CACNA1D: variants seen among roughly 807,000 people sequenced by gnomAD.
The protein encoded by CACNA1D is voltage-dependent L-type calcium channel subunit alpha-1D.
CACNA1D carries 55 observed loss-of-function variants against 257.1 expected under a neutral mutation model. The ratio of observed to expected loss-of-function variants is 0.21; its 90% CI spans 0.17 to 0.27. The LOEUF (loss-of-function observed/expected upper bound fraction) is 0.27. Among genes scored for constraint, CACNA1D ranks in the 10% least tolerant of loss-of-function variants. The pLI is 1.00. For missense variants in CACNA1D, 1,876 were observed against 2,784.0 expected, an observed-to-expected ratio of 0.67 and a Z score of 7.34; for synonymous variants, 980 against 1,014.9, an observed-to-expected ratio of 0.97 and a Z score of 0.65.
At chr3:53,772,982 G>A in intron 33 of CACNA1D, 84 bp downstream of exon 33, 3 of 1,138,084 alleles carry the variant, frequency 2.6e-6, no homozygotes, top group Non-Finnish European at 4.0e-6. Context: ...ACCAAGTGAA[G>A]TAGAAGCATT....
chr3:53,750,417 T>C (rs2095214948), intron 27 of CACNA1D, among the ~76,000 whole-genome samples: 1 of 152,222 alleles, frequency 6.6e-6, no homozygotes, highest in African/African-American at 2.4e-5. Flanking sequence ...TCTGTTTTGA[T>C]GACGACGTCG....
At chr3:53,697,036 T>G (rs2094579267) in intron 8 of CACNA1D, among the ~76,000 whole-genome samples, 2 of 152,178 alleles carry the variant, frequency 1.3e-5, no homozygotes, top group Non-Finnish European at 2.9e-5. Flanking sequence ...CAGACAGGCC[T>G]GCATAAGACA....
At position 53,751,712 on chromosome 3, in the gene CACNA1D, C is replaced by G. The variant is rs1472972036; in HGVS notation, c.3517-37C>G. The G allele has an allele frequency of 1.2e-6, 2 of 1,612,770 alleles. No individual in the cohort carries two copies. Among genetic ancestry groups the G allele is most frequent in the Non-Finnish European group, 1.7e-6 (2 of 1,178,832 alleles). ...ACGGGGTCCTCCTTCCCTGCAAGTGCTCAGAACCCCGTTTCTGCCCTTTTC... is the reference window on the plus strand; with the variant it reads ...ACGGGGTCCTCCTTCCCTGCAAGTGGTCAGAACCCCGTTTCTGCCCTTTTC... On this transcript the variant is annotated intron_variant, in intron 27 of 47. Coordinates refer to ENST00000350061, the MANE Select transcript of CACNA1D (RefSeq NM_001128840.3). The surrounding 1 kb of genome is among the most constrained non-coding windows in gnomAD (Gnocchi z 4.3).
chr3:53,775,862 C>T (rs1244181043), intron 34 of CACNA1D, 24 bp from the exon 35 acceptor site: 1 of 1,612,706 alleles, frequency 6.2e-7, no homozygotes, highest in East Asian at 2.2e-5. Flanking sequence ...CCACTAAAGC[C>T]CCTTTGTTCT....
At chr3:53,782,264 G>GTGTATATATATATATATATATATA (rs6147823) in intron 39 of CACNA1D, 19 of 75,448 alleles carry the variant, frequency 2.5e-4, no homozygotes, top group African/African-American at 6.3e-4. Context: ...GTGTGTGTGT[G>GTGTATATATATATATATATATATA]TATATATATA....
intron 7 of CACNA1D, among the ~76,000 whole-genome samples, chr3:53,672,596 T>C (rs77286746): frequency 0.023 from 3,434 of 152,304 alleles, 129 homozygotes; most frequent in African/African-American, 0.078. Flanking sequence ...TTGGGCAGCA[T>C]AGAAAATAGG....
chr3:53,636,614 T>C (rs1270265504), intron 3 of CACNA1D, among the ~76,000 whole-genome samples: 1 of 152,236 alleles, frequency 6.6e-6, no homozygotes, highest in Non-Finnish European at 1.5e-5. Context: ...GGCCGAAAAC[T>C]ATATACTCTT....
chr3:53,526,199 G>C (rs1489681124), intron 3 of CACNA1D, among the ~76,000 whole-genome samples: 1 of 152,192 alleles, frequency 6.6e-6, no homozygotes, highest in Non-Finnish European at 1.5e-5. Flanking sequence ...GCTGACGTGG[G>C]GCCAGGTCAT....
At chr3:53,615,351 G>A (rs1162251909) in intron 3 of CACNA1D, among the ~76,000 whole-genome samples, 1 of 152,198 alleles carries the variant, frequency 6.6e-6, no homozygotes, top group Admixed American at 6.5e-5. Context: ...TCCAGACCTG[G>A]CCTCTTTGCC....
intron 3 of CACNA1D, among the ~76,000 whole-genome samples, chr3:53,517,323 C>T (rs2091380379): frequency 6.6e-6 from 1 of 152,070 alleles, no homozygotes; most frequent in Non-Finnish European, 1.5e-5. Flanking sequence ...TACCTGCCAG[C>T]ACAGCTATGG....
chr3:53,528,237 A>C (rs1003570395), intron 3 of CACNA1D, among the ~76,000 whole-genome samples: 1 of 152,160 alleles, frequency 6.6e-6, no homozygotes. Context: ...AATTCCAGCC[A>C]CCTCCCTTGT....
chr3:53,651,047 A>G, intron 4 of CACNA1D, 129 bp downstream of exon 4: 1 of 820,068 alleles, frequency 1.2e-6, no homozygotes, highest in South Asian at 1.4e-5. Flanking sequence ...TTGCACCAGA[A>G]CCTCTCAGGA....
At chr3:53,808,877 G>C in intron 46 of CACNA1D, 107 bp downstream of exon 46, 1 of 1,171,360 alleles carries the variant, frequency 8.5e-7, no homozygotes, top group Non-Finnish European at 1.2e-6. Flanking sequence ...GGGAAGGAGA[G>C]AATCTTCACC....
chr3:53,803,988 C>T (rs140390958), intron 44 of CACNA1D, among the ~76,000 whole-genome samples: 11 of 152,234 alleles, frequency 7.2e-5, no homozygotes, highest in South Asian at 2.1e-4. Flanking sequence ...TCCTCATGCA[C>T]AGCACCTGCC....
intron 3 of CACNA1D, among the ~76,000 whole-genome samples, chr3:53,610,752 C>T (rs936342013): frequency 1.3e-5 from 2 of 152,134 alleles, no homozygotes; most frequent in African/African-American, 2.4e-5. Flanking sequence ...CTTTGACATT[C>T]CATTTTATTT....
intron 3 of CACNA1D, among the ~76,000 whole-genome samples, chr3:53,599,110 G>GT: frequency 6.6e-6 from 1 of 151,890 alleles, no homozygotes; most frequent in Non-Finnish European, 1.5e-5. Context: ...TCTTTCACAT[G>GT]TTAATATATC....
intron 1 of CACNA1D, among the ~76,000 whole-genome samples, 196 bp from the exon 2 acceptor site, chr3:53,496,956 C>A (rs558139022): frequency 1.1e-3 from 165 of 152,226 alleles, no homozygotes; most frequent in African/African-American, 3.5e-3. Flanking sequence ...ACACTGAGAC[C>A]AGAGCTCGTG....
At chr3:53,781,097 C>G (rs2109068351) in intron 38 of CACNA1D, among the ~76,000 whole-genome samples, 1 of 152,302 alleles carries the variant, frequency 6.6e-6, no homozygotes, top group South Asian at 2.1e-4. Flanking sequence ...AGTGTCAGCT[C>G]ATATAATAAA....
chr3:53,812,189 T>C lies in CACNA1D; in HGVS notation c.*783T>C, dbSNP rs929694345. On this transcript the variant is annotated 3_prime_UTR_variant, in exon 48 of 48. Coordinates refer to ENST00000350061, the MANE Select transcript of CACNA1D (RefSeq NM_001128840.3). ...ATGACTTGTAATATACTATAATTTG[T>C]ATTTGTAAAGAGATGGTCTATATTT... is the stretch of plus-strand genomic sequence containing the variant. 29 of 152,256 alleles carry C rather than the reference T, an allele frequency of 1.9e-4. No homozygotes were observed. Among genetic ancestry groups the C allele is most frequent in the Admixed American group, 7.2e-4 (11 of 15,290 alleles). The allele number at this position is 152,256 out of a possible 1,614,324, so 9.4% of individuals were successfully genotyped here.
Sources: allele counts gnomAD v4.1 joint callset (sites outside exome capture counted in the v4.1 genomes callset), GRCh38; gene constraint gnomAD v4.1.1; non-coding constraint Gnocchi (gnomAD v3.1); transcripts MANE v1.5; gene names NCBI Gene and HGNC (gene_info 2026-07-23, HGNC 2026-07-21).